The following CRB1 variants were observed in gnomAD, a reference collection of about 807,000 sequenced individuals.
The protein encoded by CRB1 is protein crumbs homolog 1.
In CRB1, 83 loss-of-function variants were observed where a neutral mutation model predicts 120.0. The observed-to-expected ratio is 0.69, with a 90% confidence interval of 0.58 to 0.83. The LOEUF (loss-of-function observed/expected upper bound fraction) is 0.83, where lower values mean the gene tolerates loss of function less well. Ranked by LOEUF, CRB1 falls within the 40% of genes least tolerant of loss-of-function variation. The pLI is 0.00. For missense variants in CRB1, 1,699 were observed against 1,687.6 expected, an observed-to-expected ratio of 1.01 and a Z score of -0.12; for synonymous variants, 625 against 612.5, an observed-to-expected ratio of 1.02 and a Z score of -0.30.
chr1:197,224,078 A>C, the CRB1 span, among the ~76,000 whole-genome samples: 1 of 152,058 alleles, frequency 6.6e-6, no homozygotes, highest in Admixed American at 6.6e-5. Context: ...CATGTCTATA[A>C]AGACTGACAC....
At chr1:197,363,851 T>C (rs942870635) in intron 5 of CRB1, 21 of 863,950 alleles carry the variant, frequency 2.4e-5, no homozygotes, top group Non-Finnish European at 3.8e-5. Context: ...ACCAGGACTG[T>C]GATGGTATAG....
chr1:197,379,027 T>C (rs1661796718), intron 5 of CRB1, among the ~76,000 whole-genome samples: 1 of 152,136 alleles, frequency 6.6e-6, no homozygotes, highest in South Asian at 2.1e-4. Flanking sequence ...ATTAAAACTG[T>C]CTACAAATGA....
chr1:197,319,657 T>G (rs1219408002), intron 1 of CRB1, among the ~76,000 whole-genome samples: 1 of 152,128 alleles, frequency 6.6e-6, no homozygotes, highest in Non-Finnish European at 1.5e-5. Context: ...GTGTCATCAT[T>G]TCTCTCTTTC....
chr1:197,438,774 C>T, intron 10 of CRB1, 99 bp downstream of exon 10: 3 of 1,459,530 alleles, frequency 2.1e-6, no homozygotes, highest in South Asian at 2.3e-5. Context: ...TCTCAGTTCC[C>T]ATAGGAAAAT....
intron 1 of CRB1, among the ~76,000 whole-genome samples, chr1:197,277,678 T>C (rs1558024470): frequency 6.6e-6 from 1 of 151,992 alleles, no homozygotes; most frequent in Non-Finnish European, 1.5e-5. Flanking sequence ...GAAGAATAAA[T>C]ATTTATATTC....
intron 1 of CRB1, among the ~76,000 whole-genome samples, chr1:197,288,123 A>G (rs1056127044): frequency 6.6e-6 from 1 of 151,884 alleles, no homozygotes; most frequent in Non-Finnish European, 1.5e-5. Context: ...GGAGAGCTGC[A>G]CAGAGACAGA....
intron 8 of CRB1, among the ~76,000 whole-genome samples, chr1:197,431,642 C>T (rs1664875464): frequency 6.6e-6 from 1 of 152,158 alleles, no homozygotes; most frequent in Non-Finnish European, 1.5e-5. Context: ...GCAATCTACA[C>T]ATCAAACAGT....
the CRB1 span, among the ~76,000 whole-genome samples, chr1:197,234,731 C>G: frequency 6.6e-6 from 1 of 152,184 alleles, no homozygotes; most frequent in Non-Finnish European, 1.5e-5. Flanking sequence ...AGGACAGAAG[C>G]TATTCATGGT....
chr1:197,291,938 A>G (rs996174968), intron 1 of CRB1, among the ~76,000 whole-genome samples: 4 of 152,072 alleles, frequency 2.6e-5, no homozygotes, highest in Non-Finnish European at 5.9e-5. Context: ...GGAAATATAT[A>G]GCACTAAATG....
the CRB1 span, among the ~76,000 whole-genome samples, chr1:197,252,570 A>ATGTGTGTG: frequency 4.1e-5 from 2 of 48,640 alleles, no homozygotes; most frequent in African/African-American, 6.1e-5. Flanking sequence ...ATATATATAT[A>ATGTGTGTG]TATATATATA....
chr1:197,454,052 C>T (rs959589045), intron 11 of CRB1, among the ~76,000 whole-genome samples: 13 of 149,334 alleles, frequency 8.7e-5, no homozygotes, highest in African/African-American at 3.2e-4. Context: ...TCTCAAGCTC[C>T]CAGGCTCAAG....
Position 197,418,259 on chromosome 1 carries a change from A to G in CRB1, c.1172-2741A>G, listed in dbSNP as rs373337840. Among the ~76,000 whole-genome samples, 7 of 152,194 alleles carry G rather than the reference A, an allele frequency of 4.6e-5. No individual in the cohort carries two copies. The East Asian group carries it at 1.3e-3, about 29-fold the overall frequency. On this transcript the variant is annotated intron_variant, in intron 5 of 11. Coordinates refer to ENST00000367400, the MANE Select transcript of CRB1 (RefSeq NM_201253.3). Reference sequence around the variant, plus strand: ...TAATACAAAAGTTTCAACTTTTCATATTCAGTTATATTAAACTTGTATTGG... The same window carrying G: ...TAATACAAAAGTTTCAACTTTTCATGTTCAGTTATATTAAACTTGTATTGG...
chr1:197,368,204 T>C (rs1469655035), intron 5 of CRB1, among the ~76,000 whole-genome samples: 2 of 152,182 alleles, frequency 1.3e-5, no homozygotes, highest in African/African-American at 2.4e-5. Flanking sequence ...TTCCTAGAAA[T>C]GCACTTTTTT....
At chr1:197,318,676 T>C (rs1223827896) in intron 1 of CRB1, among the ~76,000 whole-genome samples, 1 of 152,164 alleles carries the variant, frequency 6.6e-6, no homozygotes, top group East Asian at 1.9e-4. Flanking sequence ...AACAATAAAA[T>C]ACTGTCATTT....
Position 197,377,320 on chromosome 1 carries a change from A to T in CRB1, c.1171+20307A>T, listed in dbSNP as rs1227953354. 3.3e-5 allele frequency among the ~76,000 whole-genome samples: 5 copies of T among 152,194 alleles called. No individual in the cohort carries two copies. In the East Asian group the frequency reaches 9.6e-4, roughly 29 times the overall value. On this transcript the variant is annotated intron_variant, in intron 5 of 11. Transcript: ENST00000367400. Reference sequence around the variant, plus strand: ...CTACTATAGCTCCAGGACCTAGCACAGTGCCTAGCCCATAACAGGAGGCCC... The same window carrying T: ...CTACTATAGCTCCAGGACCTAGCACTGTGCCTAGCCCATAACAGGAGGCCC...
chr1:197,342,728 A>T (rs1659540762), intron 2 of CRB1, among the ~76,000 whole-genome samples: 1 of 152,128 alleles, frequency 6.6e-6, no homozygotes, highest in Non-Finnish European at 1.5e-5. Context: ...AACATTTTTT[A>T]TTCTACCTAC....
At position 197,406,406 on chromosome 1, in the gene CRB1, T is replaced by C. The variant is rs534774672; in HGVS notation, c.1172-14594T>C. 7.0e-4 allele frequency among the ~76,000 whole-genome samples: 106 copies of C among 152,222 alleles called. No individual in the cohort carries two copies. The East Asian group carries it at 0.02, about 28-fold the overall frequency. ...GCTCGTTAAGAGTCATCACCACTCC[T>C]TAATCTCAAGTACCCAGTGACACAG... On this transcript the variant is annotated intron_variant, in intron 5 of 11. Coordinates refer to ENST00000367400, the MANE Select transcript of CRB1 (RefSeq NM_201253.3).
chr1:197,301,889 T>TG (rs1656882598), intron 1 of CRB1, among the ~76,000 whole-genome samples: 1 of 151,014 alleles, frequency 6.6e-6, no homozygotes, highest in Non-Finnish European at 1.5e-5. Context: ...TTCTTATGGA[T>TG]GAAAAAAAAA....
At chr1:197,230,321 TTCTC>T in the CRB1 span, among the ~76,000 whole-genome samples, 1 of 152,248 alleles carries the variant, frequency 6.6e-6, no homozygotes, top group East Asian at 1.9e-4. Context: ...TACTATCAGA[TTCTC>T]TTTCTTGGAT....
Sources: gnomAD v4.1 joint callset for allele counts (sites outside exome capture counted in the v4.1 genomes callset) on GRCh38, gnomAD v4.1.1 for gene constraint, MANE v1.5 for transcripts, NCBI Gene and HGNC (gene_info 2026-07-23, HGNC 2026-07-21) for gene names.